C16orf74: variants seen among roughly 807,000 people sequenced by gnomAD.
C16orf74 encodes calcimembrin.
A neutral mutation model predicts 6.5 loss-of-function variants in C16orf74; 10 were observed. The observed-to-expected ratio is 1.54, with a 90% CI of 0.95 to 2.61. The LOEUF is 2.61. Among genes scored for constraint, C16orf74 ranks in the 30% most tolerant of loss-of-function variants. C16orf74 has a pLI of 0.00. For synonymous variants in C16orf74, 60 were observed against 42.5 expected (o/e 1.41, Z -1.60); for missense variants, 141 against 105.9 (o/e 1.33, Z -1.45).
chr16:85,721,595 T>A (rs2054083357), intron 2 of C16orf74, among the ~76,000 whole-genome samples: 1 of 152,208 alleles, frequency 6.6e-6, no homozygotes, highest in South Asian at 2.1e-4. Flanking sequence ...TAACTGGGCA[T>A]CCTGTTTTTA....
intron 2 of C16orf74, among the ~76,000 whole-genome samples, chr16:85,714,217 G>A (rs982884807): frequency 2.0e-5 from 3 of 151,984 alleles, no homozygotes; most frequent in African/African-American, 7.3e-5. Flanking sequence ...CGGCTGGTGT[G>A]AGGTGACCAT....
At chr16:85,721,587 A>T (rs1320396376) in intron 2 of C16orf74, among the ~76,000 whole-genome samples, 1 of 152,154 alleles carries the variant, frequency 6.6e-6, no homozygotes, top group Admixed American at 6.5e-5. Flanking sequence ...TTCATATATA[A>T]CTGGGCATCC....
At chr16:85,727,613 C>G (rs1296080983) in intron 2 of C16orf74, among the ~76,000 whole-genome samples, 2 of 149,074 alleles carry the variant, frequency 1.3e-5, no homozygotes, top group Admixed American at 1.3e-4. Flanking sequence ...AGTTCAAGAC[C>G]AACCTGCGCA....
At chr16:85,720,299 C>T (rs2054069738) in intron 2 of C16orf74, among the ~76,000 whole-genome samples, 1 of 152,164 alleles carries the variant, frequency 6.6e-6, no homozygotes, top group East Asian at 1.9e-4. Flanking sequence ...GGAAGGTGCC[C>T]AGCCGCCTGG....
chr16:85,711,766 G>C (rs760111221), intron 2 of C16orf74, among the ~76,000 whole-genome samples: 7 of 152,124 alleles, frequency 4.6e-5, no homozygotes, highest in Non-Finnish European at 8.8e-5. Flanking sequence ...ATTAGCTCAA[G>C]TATCAGAGCC....
intron 1 of C16orf74, among the ~76,000 whole-genome samples, chr16:85,738,405 A>G (rs1457020084): frequency 6.8e-6 from 1 of 148,024 alleles, no homozygotes; most frequent in Non-Finnish European, 1.5e-5. Flanking sequence ...GCTCACCACA[A>G]CCTCCACTTC....
intron 2 of C16orf74, 102 bp downstream of exon 2, chr16:85,735,088 T>G: frequency 3.1e-6 from 3 of 960,904 alleles, no homozygotes; most frequent in Non-Finnish European, 4.6e-6. Flanking sequence ...GGTGCCCTGC[T>G]CCCTCTGCAG....
At chr16:85,708,372 C>T (rs565844183) in intron 3 of C16orf74, among the ~76,000 whole-genome samples, 10 of 152,192 alleles carry the variant, frequency 6.6e-5, no homozygotes, top group Non-Finnish European at 2.9e-5. Context: ...TGGTATGATC[C>T]CATTTTATAG....
chr16:85,734,841 GGT>G (rs2054226899), intron 2 of C16orf74, among the ~76,000 whole-genome samples: 1 of 152,170 alleles, frequency 6.6e-6, no homozygotes, highest in Admixed American at 6.5e-5. Context: ...ACAGGCCCCG[GGT>G]GTGTCCTTGG....
chr16:85,730,866 C>G (rs1224437243), intron 2 of C16orf74, among the ~76,000 whole-genome samples: 2 of 134,526 alleles, frequency 1.5e-5, no homozygotes, highest in Non-Finnish European at 3.1e-5. Flanking sequence ...AACCACAAAC[C>G]TAAATCCCCT....
At chr16:85,739,087 C>T (rs1444512811) in intron 1 of C16orf74, among the ~76,000 whole-genome samples, 1 of 152,116 alleles carries the variant, frequency 6.6e-6, no homozygotes, top group Non-Finnish European at 1.5e-5. Flanking sequence ...TCATCTCCAT[C>T]CCTCATCAAT....
At chr16:85,709,552 C>A (rs1205819180) in intron 3 of C16orf74, among the ~76,000 whole-genome samples, 12 of 150,930 alleles carry the variant, frequency 8.0e-5, no homozygotes, top group African/African-American at 2.9e-4. Flanking sequence ...CCTCAGCACC[C>A]GGCATAGGCC....
At chr16:85,750,551 C>T (rs574108227) in intron 1 of C16orf74, among the ~76,000 whole-genome samples, 1 of 152,334 alleles carries the variant, frequency 6.6e-6, no homozygotes, top group Non-Finnish European at 1.5e-5. Context: ...CCTGCCCCCG[C>T]CCCCCGCCGG....
chr16:85,715,560 T>C (rs2054014857), intron 2 of C16orf74, among the ~76,000 whole-genome samples: 1 of 152,102 alleles, frequency 6.6e-6, no homozygotes. Flanking sequence ...CAGGAAATAT[T>C]TGATCTCTGT....
intron 1 of C16orf74, among the ~76,000 whole-genome samples, chr16:85,737,961 A>ATT (rs34329302): frequency 0.051 from 6,943 of 136,878 alleles, 362 homozygotes; most frequent in Admixed American, 0.16. Flanking sequence ...TTTTTTTGTG[A>ATT]TTTTTTTTTT....
intron 2 of C16orf74, among the ~76,000 whole-genome samples, chr16:85,714,381 AT>A (rs2053998632): frequency 1.3e-5 from 1 of 77,272 alleles, no homozygotes; most frequent in Non-Finnish European, 2.4e-5. Flanking sequence ...AAGACCTATT[AT>A]TTATTTATTT....
intron 1 of C16orf74, among the ~76,000 whole-genome samples, chr16:85,738,275 C>T (rs545995638): frequency 5.3e-5 from 8 of 151,606 alleles, no homozygotes; most frequent in Non-Finnish European, 1.0e-4. Flanking sequence ...TGCCTGAGCC[C>T]CACCCCCAGA....
intron 1 of C16orf74, among the ~76,000 whole-genome samples, chr16:85,744,900 G>C (rs1162048388): frequency 6.7e-6 from 1 of 149,858 alleles, no homozygotes; most frequent in African/African-American, 2.5e-5. Context: ...CCATCACTTT[G>C]GGAGGCCGAG....
rs998118419 is a variant in C16orf74 at position 85,735,296 on chromosome 16, G to A, written c.-18-61C>T. 52 of 1,297,132 alleles carry A rather than the reference G, an allele frequency of 4.0e-5. No homozygotes were observed. The East Asian group carries it at 1.2e-3, about 30-fold the overall frequency. 80.4% of individuals were successfully genotyped at this position (1,297,132 alleles called of 1,614,324 possible). On this transcript the variant is annotated intron_variant, in intron 1 of 3. Coordinates refer to ENST00000284245, the MANE Select transcript of C16orf74 (RefSeq NM_206967.3). ...CGCGACTTGTTTGTATTGGCCACGT[G>A]CAGCCGGGCCCCCACCCTTGGCCCT... is the stretch of plus-strand genomic sequence containing the variant.
Sources: gnomAD v4.1 joint callset for allele counts (sites outside exome capture counted in the v4.1 genomes callset) on GRCh38, gnomAD v4.1.1 for gene constraint, MANE v1.5 for transcripts, NCBI Gene and HGNC (gene_info 2026-07-23, HGNC 2026-07-21) for gene names.